Variants in GRB7 observed in about 807,000 individuals in gnomAD.
The protein encoded by GRB7 is growth factor receptor bound protein 7.
GRB7 carries 47 observed loss-of-function variants against 64.1 expected under a neutral mutation model. The ratio of observed to expected loss-of-function variants is 0.73; its 90% CI spans 0.58 to 0.94. The LOEUF is 0.94. GRB7 is among the 40% of genes least tolerant of loss of function. The pLI, the probability that GRB7 is intolerant of heterozygous loss-of-function variation, is 0.00. For synonymous variants in GRB7, 277 were observed against 279.9 expected, an observed-to-expected ratio of 0.99 and a Z score of 0.10; for missense variants, 634 against 718.4, an observed-to-expected ratio of 0.88 and a Z score of 1.34.
intron 1 of GRB7, chr17:39,739,015 G>C: frequency 9.1e-7 from 1 of 1,102,804 alleles, no homozygotes; most frequent in Non-Finnish European, 1.3e-6. Context: ...GGGGCCTGGG[G>C]AGAGTGGGGT....
In GRB7 at chr17:39,742,647, A is replaced by AC; in HGVS notation, c.238dup (p.Gln80ProfsTer30). On this transcript the variant is annotated frameshift_variant, in exon 3 of 15. Coordinates refer to ENST00000309156, the MANE Select transcript of GRB7 (RefSeq NM_005310.5). LOFTEE classifies it high-confidence loss of function. ...TCCCTGAGCTCTGCAGTCCTCCCTC[A>AC]CAGAGCCCAATTCTCGGGGGCCCCT... The AC allele has an allele frequency of 6.2e-7, 1 of 1,605,640 alleles. No homozygotes were observed. Among genetic ancestry groups the AC allele is most frequent in the Non-Finnish European group, 8.5e-7 (1 of 1,176,254 alleles).
intron 1 of GRB7, among the ~76,000 whole-genome samples, chr17:39,741,283 G>C (rs894414894): frequency 3.3e-5 from 5 of 152,180 alleles, no homozygotes; most frequent in African/African-American, 1.2e-4. Context: ...AGAGGAGGTG[G>C]CTCTAGCACT....
chr17:39,745,395 A>G (rs771631163), intron 10 of GRB7, 27 bp from the exon 11 acceptor site: 1 of 1,611,600 alleles, frequency 6.2e-7, no homozygotes, highest in African/African-American at 1.3e-5. Context: ...CCCTGTTCTG[A>G]CCTCTCTCCT....
chr17:39,742,507 A>T, intron 2 of GRB7, 51 bp downstream of exon 2: 1 of 1,612,632 alleles, frequency 6.2e-7, no homozygotes, highest in South Asian at 1.1e-5. Flanking sequence ...TAATACACAG[A>T]GGCTTGCAGG....
Position 39,745,970 on chromosome 17 carries a change from G to A in GRB7, c.1328G>A (p.Arg443Gln), listed in dbSNP as rs1181281902. Reference protein sequence around the residue: ...HGRISREESQRLIGQQGLVDG... With the variant: ...HGRISREESQQLIGQQGLVDG... ...CGCATTTCCCGTGAGGAGAGCCAGCGGCTTATTGGACAGCAGGGCTTGGTA... is the reference window on the plus strand; with the variant it reads ...CGCATTTCCCGTGAGGAGAGCCAGCAGCTTATTGGACAGCAGGGCTTGGTA... The change falls in exon 13 of 15, where the codon CGG (arginine) becomes CAG (glutamine). Residue 443 changes from arginine (R) to glutamine (Q), a missense_variant. Arg to Gln is a conservative substitution (Grantham distance 43, BLOSUM62 1). Around this residue, in one of 2 missense-constraint regions of GRB7, gnomAD observed 467 missense variants for 576.6 expected, o/e 0.81. Coordinates refer to ENST00000309156, the MANE Select transcript of GRB7 (RefSeq NM_005310.5). The A allele has an allele frequency of 1.4e-5, 22 of 1,613,962 alleles. No homozygotes were observed. The highest frequency in any genetic ancestry group is 2.2e-5 in the East Asian group (1 of 44,896).
At position 39,743,052 on chromosome 17, in the gene GRB7, T is replaced by G. The variant is rs768671684; in HGVS notation, c.461T>G (p.Leu154Arg). 1 of 1,602,418 alleles carries G rather than the reference T, an allele frequency of 6.2e-7. No individual in the cohort carries two copies. Among genetic ancestry groups the G allele is most frequent in the Admixed American group, 1.7e-5 (1 of 59,334 alleles). ...GTGGAGTGCCACCCCCACCTAGCAC[T>G]GGGTAAGTCAGGTGCATGGAACTAT... ...GLVECHPHLA[L>R]ERGLEDHESV... Residue 154 changes from leucine (L) to arginine (R), a missense_variant and splice_region_variant, in exon 4 of 15, where the codon CTG becomes CGG. Leu to Arg is a moderately radical substitution (Grantham distance 102). This residue lies in a region of GRB7 where 467 missense variants were observed against 576.6 expected (regional missense o/e 0.81). Coordinates refer to ENST00000309156, the MANE Select transcript of GRB7 (RefSeq NM_005310.5).
chr17:39,745,283 C>A lies in GRB7; in HGVS notation c.1052C>A (p.Ser351Tyr). 6.2e-7 allele frequency: 1 copy of A among 1,612,662 alleles called. No homozygotes were observed. The highest frequency in any genetic ancestry group is 1.1e-5 in the South Asian group (1 of 90,842). Residue 351 changes from serine to tyrosine, a missense_variant, in exon 10 of 15, where the codon TCT becomes TAT. Coordinates refer to ENST00000309156, the MANE Select transcript of GRB7 (RefSeq NM_005310.5). ...QLYKNYQQAQ[S>Y]RHLHPSCLGS... Reference sequence around the variant, plus strand: ...TACAAGAATTACCAGCAGGCACAGTCTCGCCATCTGCATCCATCTTGTTTG... The same window carrying A: ...TACAAGAATTACCAGCAGGCACAGTATCGCCATCTGCATCCATCTTGTTTG...
rs761786650 is a variant in GRB7, at chr17:39,744,603, C to T, written c.852C>T (p.Tyr284=). 23 of 1,612,010 alleles carry T rather than the reference C, an allele frequency of 1.4e-5. No homozygotes were observed. The Middle Eastern group carries it at 6.6e-4, about 46-fold the overall frequency. Reference sequence around the variant, plus strand: ...CAGATGTGAACGAGTCCAACGTGTACGTGGTGACGCAGGGCCGCAAGCTCT... The same window carrying T: ...CAGATGTGAACGAGTCCAACGTGTATGTGGTGACGCAGGGCCGCAAGCTCT... ...YVADVNESNV[Y]VVTQGRKLYG... Residue 284 remains tyrosine (Y), a synonymous_variant, in exon 8 of 15, where the codon TAC becomes TAT. Transcript: ENST00000309156.
rs1395988518 is a variant in GRB7 at position 39,745,964 on chromosome 17, G to C, written c.1322G>C (p.Ser441Thr). 1.9e-6 allele frequency: 3 copies of C among 1,614,098 alleles called. No homozygotes were observed. The East Asian group carries it at 6.7e-5, about 36-fold the overall frequency. The change falls in exon 13 of 15, where the codon AGC becomes ACC. Residue 441 changes from serine (S) to threonine (T), a missense_variant. Ser to Thr is a moderately conservative substitution (Grantham distance 58). Around this residue, in one of 2 missense-constraint regions of GRB7, gnomAD observed 467 missense variants for 576.6 expected, o/e 0.81. Transcript: ENST00000309156. ...WFHGRISREE[S>T]QRLIGQQGLV... ...CACGGGCGCATTTCCCGTGAGGAGA[G>C]CCAGCGGCTTATTGGACAGCAGGGC...
chr17:39,738,744 TC>T, intron 1 of GRB7: 1 of 582,480 alleles, frequency 1.7e-6, no homozygotes, highest in Non-Finnish European at 2.8e-6. Context: ...AGTTTGGGTT[TC>T]CCCAAGTCTC....
rs141964711 is a variant in GRB7 at position 39,745,052 on chromosome 17, G to A, written c.1011+68G>A. On this transcript the variant is annotated intron_variant, in intron 9 of 14. Transcript: ENST00000309156. ...GGATCCCCAGCTCTGCCCTCAGGAAGTCTCAGGAATGAGGAGGGCATCACA... is the reference window on the plus strand; with the variant it reads ...GGATCCCCAGCTCTGCCCTCAGGAAATCTCAGGAATGAGGAGGGCATCACA... 6.7e-4 allele frequency: 904 copies of A among 1,353,514 alleles called. 3 individuals are homozygous for A. In the African/African-American group the frequency reaches 0.011, roughly 16 times the overall value. The allele number at this position is 1,353,514 out of a possible 1,614,324, so 83.8% of individuals were successfully genotyped here. A position where few individuals can be genotyped will look rare whatever the true frequency, so the allele number is the denominator to read the frequency against.
Position 39,747,045 on chromosome 17 carries a change from G to A in GRB7, c.*148G>A. The A allele has an allele frequency of 1.2e-6, 1 of 830,106 alleles. No individual in the cohort carries two copies. Among genetic ancestry groups the A allele is most frequent in the East Asian group, 2.8e-5 (1 of 36,076 alleles). 51.4% of individuals were successfully genotyped at this position (830,106 alleles called of 1,614,324 possible). On this transcript the variant is annotated 3_prime_UTR_variant, in exon 15 of 15. Coordinates refer to ENST00000309156, the MANE Select transcript of GRB7 (RefSeq NM_005310.5). ...CTCCAGTTTTCTCCTCTGCTTCTTT[G>A]CCTCCCTCAGATAGAAAACAGCCCC... is the stretch of plus-strand genomic sequence containing the variant.
rs778065620 is a variant in GRB7 at position 39,743,381 on chromosome 17, G to C, written c.586-12G>C. ...GCTGGAGCCCTGATCCCTGACACTT[G>C]TCTACCCACAGCACTCCCTGTTCCC... On this transcript the variant is annotated splice_polypyrimidine_tract_variant and intron_variant, in intron 5 of 14. Transcript: ENST00000309156. 6.2e-7 allele frequency: 1 copy of C among 1,614,180 alleles called. No homozygotes were observed. The highest frequency in any genetic ancestry group is 1.1e-5 in the South Asian group (1 of 91,084).
At chr17:39,738,794 G>A (rs1041136569) in intron 1 of GRB7, 15 of 996,882 alleles carry the variant, frequency 1.5e-5, no homozygotes, top group Admixed American at 7.5e-5. Context: ...GAGATGTGGG[G>A]AGGGCCCCCT....
At chr17:39,739,062 T>G (rs2059973986) in intron 1 of GRB7, 3 of 699,176 alleles carry the variant, frequency 4.3e-6, no homozygotes, top group Non-Finnish European at 6.4e-6. Flanking sequence ...TTGATGAGGC[T>G]AGGGAGAGAC....
At position 39,746,993 on chromosome 17, in the gene GRB7, G is replaced by A. The variant is rs77876670; in HGVS notation, c.*96G>A. ...ACTCTGGGGCGCGGCCACAGGGGACGGGATGAGGAGCGGGAGGGTTCCGCC... is the reference window on the plus strand; with the variant it reads ...ACTCTGGGGCGCGGCCACAGGGGACAGGATGAGGAGCGGGAGGGTTCCGCC... On this transcript the variant is annotated 3_prime_UTR_variant, in exon 15 of 15. Transcript: ENST00000309156. 1.9e-3 allele frequency: 2,616 copies of A among 1,361,664 alleles called. 59 individuals carry two copies. The African/African-American group carries it at 0.033, about 17-fold the overall frequency. 84.3% of individuals were successfully genotyped at this position (1,361,664 alleles called of 1,614,324 possible).
intron 9 of GRB7, 52 bp downstream of exon 9, chr17:39,745,036 G>A (rs1246473794): frequency 4.8e-6 from 7 of 1,443,880 alleles, no homozygotes; most frequent in Non-Finnish European, 6.8e-6. Context: ...GGGATCCCCA[G>A]CTCTGCCCTC....
intron 1 of GRB7, chr17:39,738,587 T>A: frequency 7.2e-6 from 1 of 139,764 alleles, no homozygotes. Flanking sequence ...CCTTGTTCCC[T>A]CCCTGTACAC....
In GRB7 at chr17:39,743,023, G is replaced by A; in HGVS notation, c.432G>A (p.Gly144=). 6.2e-7 allele frequency: 1 copy of A among 1,610,248 alleles called. No individual in the cohort carries two copies. Among genetic ancestry groups the A allele is most frequent in the Non-Finnish European group, 8.5e-7 (1 of 1,177,582 alleles). ...ACGCCTTGAGCGACGAGACCTGGGG[G>A]CTGGTGGAGTGCCACCCCCACCTAG... ...RAHALSDETW[G]LVECHPHLAL... is the part of the protein sequence containing the mutation. The change falls in exon 4 of 15, where the codon GGG becomes GGA. Residue 144 remains glycine (G), a synonymous_variant. Coordinates refer to ENST00000309156, the MANE Select transcript of GRB7 (RefSeq NM_005310.5).
Sources: gnomAD v4.1 joint callset for allele counts (sites outside exome capture counted in the v4.1 genomes callset) on GRCh38, gnomAD v4.1.1 for gene constraint, gnomAD v4.1.1 regional missense constraint, MANE v1.5 for transcripts, NCBI Gene and HGNC (gene_info 2026-07-23, HGNC 2026-07-21) for gene names.